SGSM1: variants seen among roughly 807,000 people sequenced by gnomAD.
SGSM1 encodes small G protein signaling modulator 1, also known as RUN and TBC1 domain containing 2.
In SGSM1, 73 loss-of-function variants were observed where a neutral mutation model predicts 133.8. That is an observed-to-expected ratio of 0.55 (90% CI 0.45 to 0.66). SGSM1 has a LOEUF of 0.66. Ranked by LOEUF, SGSM1 falls within the 30% of genes least tolerant of loss-of-function variation. SGSM1 has a pLI of 0.00. For missense variants in SGSM1, 1,213 were observed against 1,448.1 expected, an observed-to-expected ratio of 0.84 and a Z score of 2.64; for synonymous variants, 563 against 573.0, an observed-to-expected ratio of 0.98 and a Z score of 0.25.
chr22:24,904,974 G>T, intron 20 of SGSM1, 131 bp from the exon 21 acceptor site: 1 of 760,104 alleles, frequency 1.3e-6, no homozygotes. Context: ...ATCGGGGATG[G>T]AGATGCAGGC....
intron 2 of SGSM1, among the ~76,000 whole-genome samples, chr22:24,807,691 G>A (rs1927485723): frequency 6.6e-6 from 1 of 152,070 alleles, no homozygotes. Flanking sequence ...CTGGTTTCTG[G>A]GCCTGGCTTT....
chr22:24,843,989 G>A (rs902731223), intron 2 of SGSM1: 6 of 149,720 alleles, frequency 4.0e-5, no homozygotes, highest in Non-Finnish European at 8.8e-5. Flanking sequence ...TTGAACTCAG[G>A]TCTACCTGAT....
intron 16 of SGSM1, among the ~76,000 whole-genome samples, chr22:24,891,855 AG>A (rs1489846360): frequency 6.6e-6 from 1 of 152,132 alleles, no homozygotes; most frequent in Non-Finnish European, 1.5e-5. Context: ...AGGGTGAAGA[AG>A]GGAAGAGAAG....
intron 14 of SGSM1, 138 bp downstream of exon 14, chr22:24,879,664 A>C (rs1270414611): frequency 2.4e-6 from 2 of 845,936 alleles, no homozygotes; most frequent in East Asian, 2.7e-5. Context: ...GGTTTCAGTG[A>C]CGTTACATGA....
chr22:24,845,957 C>CTTTTCT lies in SGSM1; in HGVS notation c.139+988_139+989insTCTTTT, dbSNP rs1252145833. ...TTTCTTTTCTTTTCTTTCTTTCTTT[C>CTTTTCT]TTTCTTTCTTTCTTTCTTTCTTTCT... On this transcript the variant is annotated intron_variant, in intron 3 of 24. Coordinates refer to ENST00000400358, the MANE Select transcript of SGSM1 (RefSeq NM_001098497.3). Among the ~76,000 whole-genome samples the CTTTTCT allele has an allele frequency of 8.8e-4, 80 of 91,212 alleles. 1 individual carries two copies. Among genetic ancestry groups the CTTTTCT allele is most frequent in the African/African-American group, 2.4e-3 (65 of 27,468 alleles). The allele number at this position is 91,212 out of a possible 152,430, so 59.8% of individuals were successfully genotyped here. A position where few individuals can be genotyped will look rare whatever the true frequency, so the allele number is the denominator to read the frequency against.
chr22:24,907,911 C>CAAAAAAAAAA (rs796505229), intron 21 of SGSM1, among the ~76,000 whole-genome samples: 1 of 57,074 alleles, frequency 1.8e-5, no homozygotes, highest in African/African-American at 6.3e-5. Flanking sequence ...GACGCCATCT[C>CAAAAAAAAAA]AAAAAAAAAA....
At chr22:24,893,295 G>A (rs1932845510) in intron 16 of SGSM1, 136 bp from the exon 17 acceptor site, 2 of 855,364 alleles carry the variant, frequency 2.3e-6, no homozygotes, top group East Asian at 5.5e-5. Flanking sequence ...AGCATAGTAG[G>A]TGCTCAGTTA....
intron 12 of SGSM1, among the ~76,000 whole-genome samples, chr22:24,876,341 CTCT>C (rs72365094): frequency 0.012 from 1,754 of 152,306 alleles, 17 homozygotes; most frequent in African/African-American, 0.04. Context: ...TCTCTGTGTC[CTCT>C]TCTTCTCTCT....
chr22:24,833,642 G>A (rs1361317208), intron 2 of SGSM1, among the ~76,000 whole-genome samples: 2 of 140,514 alleles, frequency 1.4e-5, no homozygotes, highest in African/African-American at 5.7e-5. Context: ...TGGCGACAGA[G>A]CGAGACTCCG....
chr22:24,812,801 G>A (rs9612772), intron 2 of SGSM1, among the ~76,000 whole-genome samples: 96,083 of 151,940 alleles, frequency 0.63, 31,955 homozygotes, highest in African/African-American at 0.85. Flanking sequence ...CCCCACTTCC[G>A]TTCTTCCTTC....
In SGSM1 at chr22:24,898,215, G is replaced by C; in HGVS notation, c.2266G>C (p.Val756Leu). 1 of 1,613,606 alleles carries C rather than the reference G, an allele frequency of 6.2e-7. No individual in the cohort carries two copies. The change falls in exon 19 of 25, where the codon GTG (valine) becomes CTG (leucine). Residue 756 changes from valine to leucine, a missense_variant. Physicochemically the swap from Val to Leu is conservative, Grantham distance 32 (BLOSUM62 1). Coordinates refer to ENST00000400358, the MANE Select transcript of SGSM1 (RefSeq NM_001098497.3). ...GGTGCTGCGACCTAGGGATGGCAGC[G>C]TGGATGACAGGCAGAGCAGCGAGGC... is the stretch of plus-strand genomic sequence containing the variant. ...PTVLRPRDGS[V>L]DDRQSSEATT...
chr22:24,895,206 GCT>G lies in SGSM1; in HGVS notation c.1954-14_1954-13del, dbSNP rs1601965488. On this transcript the variant is annotated splice_polypyrimidine_tract_variant and intron_variant, in intron 17 of 24. Transcript: ENST00000400358. ...TGCAGCCTCACCCTCCCTCCCTCCT[GCT>G]CTTTCTTTTCTCAGTCCTCCCAGAG... 6.3e-7 allele frequency: 1 copy of G among 1,597,952 alleles called. No individual in the cohort carries two copies. Among genetic ancestry groups the G allele is most frequent in the Non-Finnish European group, 8.5e-7 (1 of 1,173,196 alleles).
intron 2 of SGSM1, among the ~76,000 whole-genome samples, chr22:24,814,694 G>A (rs1055749772): frequency 7.2e-5 from 11 of 152,298 alleles, no homozygotes; most frequent in Middle Eastern, 6.8e-3. Flanking sequence ...ACACTTTGCC[G>A]CCCTTTCTGG....
chr22:24,903,044 A>G (rs1416760670), intron 20 of SGSM1, among the ~76,000 whole-genome samples: 1 of 152,220 alleles, frequency 6.6e-6, no homozygotes, highest in Non-Finnish European at 1.5e-5. Context: ...CCTGTCTCAA[A>G]ACAAAACAAA....
At chr22:24,911,272 G>A (rs1323233196) in intron 21 of SGSM1, among the ~76,000 whole-genome samples, 1 of 147,390 alleles carries the variant, frequency 6.8e-6, no homozygotes, top group Non-Finnish European at 1.5e-5. Context: ...ATAATAAATG[G>A]GGAGCATAAT....
intron 12 of SGSM1, among the ~76,000 whole-genome samples, chr22:24,874,897 C>T (rs78405361): frequency 1.1e-3 from 161 of 152,340 alleles, no homozygotes; most frequent in African/African-American, 3.7e-3. Flanking sequence ...GGCTTTTCTT[C>T]TAGAACATTT....
intron 12 of SGSM1, chr22:24,874,660 G>A (rs1302057021): frequency 1.3e-5 from 19 of 1,460,552 alleles, no homozygotes; most frequent in Non-Finnish European, 1.5e-5. Flanking sequence ...CTGGTCCCAA[G>A]GGAGATGGAG....
intron 2 of SGSM1, among the ~76,000 whole-genome samples, chr22:24,817,910 G>T (rs1228664922): frequency 6.6e-6 from 1 of 152,168 alleles, no homozygotes; most frequent in Non-Finnish European, 1.5e-5. Context: ...GAAAGGGGGT[G>T]AGAGGTCTTT....
rs908866991 is a variant in SGSM1 at position 24,829,956 on chromosome 22, T to G, written c.64-14941T>G. Among the ~76,000 whole-genome samples, 19 of 152,304 alleles carry G rather than the reference T, an allele frequency of 1.2e-4. No individual in the cohort carries two copies. In the East Asian group the frequency reaches 3.7e-3, roughly 29 times the overall value. ...CAAGCCCACATCTGAGAGCCTGGAATGGGGAGAGGGTGAGCTGAATTCCAG... is the reference window on the plus strand; with the variant it reads ...CAAGCCCACATCTGAGAGCCTGGAAGGGGGAGAGGGTGAGCTGAATTCCAG... On this transcript the variant is annotated intron_variant, in intron 2 of 24. Coordinates refer to ENST00000400358, the MANE Select transcript of SGSM1 (RefSeq NM_001098497.3).
Sources: allele counts gnomAD v4.1 joint callset (sites outside exome capture counted in the v4.1 genomes callset), GRCh38; gene constraint gnomAD v4.1.1; transcripts MANE v1.5; gene names NCBI Gene and HGNC (gene_info 2026-07-23, HGNC 2026-07-21).